JAKMIP1: variants seen among roughly 807,000 people sequenced by gnomAD.
JAKMIP1 encodes the protein janus kinase and microtubule-interacting protein 1.
In JAKMIP1, 33 loss-of-function variants were observed where a neutral mutation model predicts 113.0. The ratio of observed to expected loss-of-function variants is 0.29; its 90% CI spans 0.22 to 0.39. JAKMIP1 has a LOEUF of 0.39. Ranked by LOEUF, JAKMIP1 falls within the 10% of genes least tolerant of loss-of-function variation. The probability of loss-of-function intolerance (pLI) is 1.00; values close to 1 mark genes in which losing one functional copy is unlikely to be tolerated. For synonymous variants in JAKMIP1, 480 were observed against 459.9 expected, an observed-to-expected ratio of 1.04 and a Z score of -0.56; for missense variants, 813 against 1,080.5, an observed-to-expected ratio of 0.75 and a Z score of 3.47.
At position 6,156,671 on chromosome 4, in the gene JAKMIP1, G is replaced by A. The variant is rs573647781; in HGVS notation, c.-148+43582C>T. 1.6e-4 allele frequency among the ~76,000 whole-genome samples: 24 copies of A among 152,318 alleles called. No homozygotes were observed. The highest frequency in any genetic ancestry group is 4.6e-4 in the Admixed American group (7 of 15,312). ...ACCCAGGAAATGTCTGACAGCATCCGCTGAGATGTGGGAGCTAAAATATCT... is the reference window on the plus strand; with the variant it reads ...ACCCAGGAAATGTCTGACAGCATCCACTGAGATGTGGGAGCTAAAATATCT... On this transcript the variant is annotated intron_variant, in intron 1 of 20. Transcript: ENST00000409021. This position sits in a 1 kb window ranked among gnomAD's most constrained non-coding sequence, Gnocchi z 5.0.
rs1160616712 is a variant in JAKMIP1 at position 6,150,864 on chromosome 4, A to G, written c.-147-37867T>C. Among the ~76,000 whole-genome samples, 1 of 152,178 alleles carries G rather than the reference A, an allele frequency of 6.6e-6. No individual in the cohort carries two copies. The highest frequency in any genetic ancestry group is 1.9e-4 in the East Asian group (1 of 5,192). The stretch of plus-strand genomic sequence containing the variant: ...AGACAGTAATAATGTCTGCCACCGG[A>G]AGACACCCAGTGCAACACCTGAAGC... On this transcript the variant is annotated intron_variant, in intron 1 of 20. Coordinates refer to ENST00000409021, the MANE Select transcript of JAKMIP1 (RefSeq NM_001099433.2). This position sits in a 1 kb window ranked among gnomAD's most constrained non-coding sequence, Gnocchi z 4.8.
At chr4:6,144,350 T>C (rs1433505785) in intron 1 of JAKMIP1, among the ~76,000 whole-genome samples, 2 of 152,222 alleles carry the variant, frequency 1.3e-5, no homozygotes, top group African/African-American at 4.8e-5. Flanking sequence ...TTTCAAAAAG[T>C]AAAAGTGCAA....
At position 6,085,456 on chromosome 4, in the gene JAKMIP1, G is replaced by A. The variant is rs139885716; in HGVS notation, c.798C>T (p.Pro266=). 34 of 1,613,796 alleles carry A rather than the reference G, an allele frequency of 2.1e-5. No individual in the cohort carries two copies. Among genetic ancestry groups the A allele is most frequent in the African/African-American group, 5.3e-5 (4 of 74,934 alleles). The part of the protein sequence containing the change: ...HHSSPKRELP[P]GIGDMVELMG... Reference sequence around the variant, plus strand: ...TGAGCTCCACCATGTCCCCGATCCCGGGCGGGAGCTCTCTCTTTGGACTAC... The same window carrying A: ...TGAGCTCCACCATGTCCCCGATCCCAGGCGGGAGCTCTCTCTTTGGACTAC... The change falls in exon 4 of 21, where the codon CCC becomes CCT. Residue 266 remains proline (P), a synonymous_variant. Coordinates refer to ENST00000409021, the MANE Select transcript of JAKMIP1 (RefSeq NM_001099433.2).
At chr4:6,070,888 G>A (rs1157397670) in intron 8 of JAKMIP1, among the ~76,000 whole-genome samples, 4 of 152,018 alleles carry the variant, frequency 2.6e-5, no homozygotes, top group African/African-American at 4.8e-5. Context: ...TGCCCAGAAG[G>A]GATGTCTCTG....
rs1722646828 is a variant in JAKMIP1, at chr4:6,159,508, T to G, written c.-148+40745A>C. On this transcript the variant is annotated intron_variant, in intron 1 of 20. Transcript: ENST00000409021. ...GAAGTCAAAATTGCTTTAAGCAGCA[T>G]GCAAGTGGAAAAAAAAAATAGTGTA... is the stretch of plus-strand genomic sequence containing the variant. Among the ~76,000 whole-genome samples the G allele has an allele frequency of 5.6e-5, 2 of 35,564 alleles. 1 individual carries two copies. Among genetic ancestry groups the G allele is most frequent in the South Asian group, 7.4e-3 (2 of 272 alleles). The allele number at this position is 35,564 out of a possible 152,430, so 23.3% of individuals were successfully genotyped here.
intron 3 of JAKMIP1, 129 bp downstream of exon 3, chr4:6,105,344 A>T (rs940458465): frequency 2.2e-5 from 17 of 762,108 alleles, no homozygotes; most frequent in Non-Finnish European, 3.1e-5. Context: ...GACGGGAGGG[A>T]GGTTGCTGGG....
intron 3 of JAKMIP1, among the ~76,000 whole-genome samples, chr4:6,090,748 T>C (rs550940694): frequency 6.6e-6 from 1 of 152,170 alleles, no homozygotes; most frequent in South Asian, 2.1e-4. Flanking sequence ...TGCCTTAAAC[T>C]AGAGCATCGC....
At chr4:6,145,818 C>A (rs539701979) in intron 1 of JAKMIP1, among the ~76,000 whole-genome samples, 2 of 152,264 alleles carry the variant, frequency 1.3e-5, no homozygotes, top group South Asian at 4.1e-4. Context: ...ACATGGTCAT[C>A]CCTCTGTGTA....
At chr4:6,032,870 T>G (rs1578036272) in intron 19 of JAKMIP1, among the ~76,000 whole-genome samples, 1 of 151,606 alleles carries the variant, frequency 6.6e-6, no homozygotes, top group Non-Finnish European at 1.5e-5. Flanking sequence ...GAGGCGGGGG[T>G]GCTGTGGTGG....
chr4:6,168,631 C>T lies in JAKMIP1; in HGVS notation c.-148+31622G>A, dbSNP rs73075493. Among the ~76,000 whole-genome samples, 4,909 of 152,152 alleles carry T rather than the reference C, an allele frequency of 0.032. 183 individuals are homozygous for T. The highest frequency in any genetic ancestry group is 0.088 in the Admixed American group (1,353 of 15,290). On this transcript the variant is annotated intron_variant, in intron 1 of 20. Transcript: ENST00000409021. The surrounding 1 kb of genome is among the most constrained non-coding windows in gnomAD (Gnocchi z 4.6). Reference sequence around the variant, plus strand: ...GATGGCCAGGCACGGTGGCTCACACCTGTAATCCCAGCACTTTGGGAGGGC... The same window carrying T: ...GATGGCCAGGCACGGTGGCTCACACTTGTAATCCCAGCACTTTGGGAGGGC...
chr4:6,056,020 C>T (rs73795710), intron 12 of JAKMIP1, among the ~76,000 whole-genome samples: 346 of 143,866 alleles, frequency 2.4e-3, no homozygotes, highest in African/African-American at 8.4e-3. Flanking sequence ...CCCCAGAGGT[C>T]GGGGCAGCCC....
In JAKMIP1 at chr4:6,168,130, C is replaced by T. The variant is rs968342202; in HGVS notation, c.-148+32123G>A. Reference sequence around the variant, plus strand: ...CCCAGGACGGCTGCAATCAAAAAAGCGCACAACAACAAGTGTGGGTGAGCA... The same window carrying T: ...CCCAGGACGGCTGCAATCAAAAAAGTGCACAACAACAAGTGTGGGTGAGCA... On this transcript the variant is annotated intron_variant, in intron 1 of 20. Coordinates refer to ENST00000409021, the MANE Select transcript of JAKMIP1 (RefSeq NM_001099433.2). The surrounding 1 kb of genome is among the most constrained non-coding windows in gnomAD (Gnocchi z 4.6). 8.5e-5 allele frequency among the ~76,000 whole-genome samples: 13 copies of T among 152,298 alleles called. No homozygotes were observed. Among genetic ancestry groups the T allele is most frequent in the Middle Eastern group, 3.4e-3 (1 of 294 alleles).
intron 19 of JAKMIP1, among the ~76,000 whole-genome samples, chr4:6,032,506 T>G (rs892992276): frequency 2.6e-5 from 4 of 152,154 alleles, no homozygotes; most frequent in African/African-American, 9.7e-5. Flanking sequence ...AAAAATGGCA[T>G]CAATGACCTG....
rs142602948 is a variant in JAKMIP1, at chr4:6,097,289, G to A, written c.624+8184C>T. 8.1e-4 allele frequency among the ~76,000 whole-genome samples: 124 copies of A among 152,268 alleles called. No homozygotes were observed. Among genetic ancestry groups the A allele is most frequent in the African/African-American group, 2.8e-3 (116 of 41,552 alleles). On this transcript the variant is annotated intron_variant, in intron 3 of 20. Transcript: ENST00000409021. This position sits in a 1 kb window ranked among gnomAD's most constrained non-coding sequence, Gnocchi z 4.3. Reference sequence around the variant, plus strand: ...TGGGATTACAGTCATGAGCCATCTCGCCCCGTTCTGACTCTGAATTTATAT... The same window carrying A: ...TGGGATTACAGTCATGAGCCATCTCACCCCGTTCTGACTCTGAATTTATAT...
chr4:6,180,771 T>C lies in JAKMIP1; in HGVS notation c.-148+19482A>G, dbSNP rs750869089. 6.6e-6 allele frequency among the ~76,000 whole-genome samples: 1 copy of C among 152,046 alleles called. No individual in the cohort carries two copies. Among genetic ancestry groups the C allele is most frequent in the Non-Finnish European group, 1.5e-5 (1 of 68,014 alleles). On this transcript the variant is annotated intron_variant, in intron 1 of 20. Transcript: ENST00000409021. The surrounding 1 kb of genome is among the most constrained non-coding windows in gnomAD (Gnocchi z 4.5). ...GATGTTGCAGCTAATTCAGTGACAT[T>C]TAATTTTCTGTCAACGTGCTTTGTT...
At chr4:6,128,554 C>T (rs1272499227) in intron 1 of JAKMIP1, among the ~76,000 whole-genome samples, 4 of 133,478 alleles carry the variant, frequency 3.0e-5, no homozygotes, top group African/African-American at 9.8e-5. Context: ...CAATGTGCTT[C>T]TTCAAGTGGA....
intron 20 of JAKMIP1, among the ~76,000 whole-genome samples, chr4:6,027,281 C>A (rs1425850137): frequency 6.6e-6 from 1 of 152,122 alleles, no homozygotes. Context: ...TAATATCTCC[C>A]TATATTATTT....
chr4:6,150,088 T>C lies in JAKMIP1; in HGVS notation c.-147-37091A>G, dbSNP rs562019763. ...CACGCCTACAAGTTTGTGGAGCGCC[T>C]GCCATATGCCAAGCTCTGGGGAAGA... On this transcript the variant is annotated intron_variant, in intron 1 of 20. Coordinates refer to ENST00000409021, the MANE Select transcript of JAKMIP1 (RefSeq NM_001099433.2). The surrounding 1 kb of genome is among the most constrained non-coding windows in gnomAD (Gnocchi z 4.8). 8.4e-4 allele frequency among the ~76,000 whole-genome samples: 128 copies of C among 152,296 alleles called. No homozygotes were observed. The highest frequency in any genetic ancestry group is 3.0e-3 in the African/African-American group (124 of 41,562).
rs534310838 is a variant in JAKMIP1 at position 6,194,997 on chromosome 4, G to A, written c.-148+5256C>T. 5.9e-5 allele frequency among the ~76,000 whole-genome samples: 9 copies of A among 152,330 alleles called. No individual in the cohort carries two copies. In the South Asian group the frequency reaches 1.9e-3, roughly 32 times the overall value. ...CGCCACTGCAGCTGCTGTCCACGGC[G>A]TGATCCTAGACTAGGCCTTTCACCT... On this transcript the variant is annotated intron_variant, in intron 1 of 20. Coordinates refer to ENST00000409021, the MANE Select transcript of JAKMIP1 (RefSeq NM_001099433.2). This position sits in a 1 kb window ranked among gnomAD's most constrained non-coding sequence, Gnocchi z 7.4.
Sources: allele counts gnomAD v4.1 joint callset (sites outside exome capture counted in the v4.1 genomes callset), GRCh38; gene constraint gnomAD v4.1.1; non-coding constraint Gnocchi (gnomAD v3.1); transcripts MANE v1.5; gene names NCBI Gene and HGNC (gene_info 2026-07-23, HGNC 2026-07-21).